The following RNF152 variants were observed in gnomAD, a reference collection of about 807,000 sequenced individuals.
RNF152 encodes E3 ubiquitin-protein ligase RNF152.
A neutral mutation model predicts 12.7 loss-of-function variants in RNF152; 11 were observed. The ratio of observed to expected loss-of-function variants is 0.86; its 90% CI spans 0.54 to 1.43. The LOEUF (loss-of-function observed/expected upper bound fraction) is 1.43, where lower values mean the gene tolerates loss of function less well. Ranked by LOEUF, RNF152 falls within the 40% of genes most tolerant of loss-of-function variation. RNF152 has a pLI of 0.00. For missense variants in RNF152, 255 were observed against 274.8 expected, an observed-to-expected ratio of 0.93 and a Z score of 0.51; for synonymous variants, 113 against 120.3, an observed-to-expected ratio of 0.94 and a Z score of 0.40.
chr18:61,839,625 G>A (rs929752431), intron 1 of RNF152, among the ~76,000 whole-genome samples: 1 of 152,282 alleles, frequency 6.6e-6, no homozygotes, highest in African/African-American at 2.4e-5. Flanking sequence ...GCTGGGCACG[G>A]TGGCTCACCC....
chr18:61,876,745 C>T (rs11877369), intron 1 of RNF152, among the ~76,000 whole-genome samples: 59,153 of 152,018 alleles, frequency 0.39, 11,436 homozygotes, highest in Middle Eastern at 0.43. Flanking sequence ...GAACCGTCTA[C>T]TCTACCCCGT....
At chr18:61,825,270 A>C (rs188943847) in intron 1 of RNF152, among the ~76,000 whole-genome samples, 1 of 152,322 alleles carries the variant, frequency 6.6e-6, no homozygotes, top group East Asian at 1.9e-4. Flanking sequence ...GAAAGAGAGA[A>C]GGGTAGACAG....
At chr18:61,876,364 C>A (rs1007813036) in intron 1 of RNF152, among the ~76,000 whole-genome samples, 1 of 152,146 alleles carries the variant, frequency 6.6e-6, no homozygotes, top group Non-Finnish European at 1.5e-5. Context: ...TGCTAATGAA[C>A]TACTTTCTGA....
At chr18:61,866,689 T>C (rs538836269) in intron 1 of RNF152, among the ~76,000 whole-genome samples, 2 of 152,320 alleles carry the variant, frequency 1.3e-5, no homozygotes, top group Non-Finnish European at 2.9e-5. Context: ...GCTCCTACAG[T>C]GACATGTTCA....
intron 1 of RNF152, among the ~76,000 whole-genome samples, chr18:61,878,747 G>C (rs1260128903): frequency 6.6e-6 from 1 of 152,150 alleles, no homozygotes; most frequent in Admixed American, 6.5e-5. Flanking sequence ...GAAATGGAAG[G>C]GCCTGGCAGT....
chr18:61,876,720 A>C (rs902632082), intron 1 of RNF152, among the ~76,000 whole-genome samples: 1 of 152,160 alleles, frequency 6.6e-6, no homozygotes, highest in Non-Finnish European at 1.5e-5. Flanking sequence ...CACCCATATA[A>C]TAGAGACATT....
At chr18:61,865,447 A>G (rs556737016) in intron 1 of RNF152, among the ~76,000 whole-genome samples, 3 of 152,298 alleles carry the variant, frequency 2.0e-5, no homozygotes, top group African/African-American at 7.2e-5. Context: ...TAAATATAAA[A>G]CTCTAAGCAG....
intron 1 of RNF152, among the ~76,000 whole-genome samples, chr18:61,840,978 A>C (rs8085961): frequency 0.51 from 78,217 of 152,030 alleles, 20,461 homozygotes; most frequent in Non-Finnish European, 0.56. Context: ...CACCTGTCCA[A>C]CTGGGTAACA....
intron 1 of RNF152, among the ~76,000 whole-genome samples, chr18:61,881,858 C>T (rs898967336): frequency 3.3e-5 from 5 of 152,196 alleles, no homozygotes; most frequent in African/African-American, 4.8e-5. Context: ...TCAGAGAAGA[C>T]ATTTTTCCTT....
chr18:61,821,898 A>T (rs574476239), intron 1 of RNF152, among the ~76,000 whole-genome samples: 91 of 152,358 alleles, frequency 6.0e-4, no homozygotes, highest in African/African-American at 2.2e-3. Context: ...TCCTGAAACC[A>T]TCGGTCCCTA....
intron 1 of RNF152, among the ~76,000 whole-genome samples, chr18:61,861,791 G>A (rs560883590): frequency 2.2e-4 from 34 of 152,148 alleles, no homozygotes; most frequent in Non-Finnish European, 2.4e-4. Flanking sequence ...GGGTGAGGAG[G>A]CAGGCTCTTT....
chr18:61,861,168 G>A (rs1256126597), intron 1 of RNF152, among the ~76,000 whole-genome samples: 1 of 152,072 alleles, frequency 6.6e-6, no homozygotes, highest in Admixed American at 6.5e-5. Context: ...CTACAGTAGT[G>A]TACAGAAATG....
intron 1 of RNF152, among the ~76,000 whole-genome samples, chr18:61,826,606 G>A (rs960900446): frequency 1.3e-5 from 2 of 151,966 alleles, no homozygotes; most frequent in African/African-American, 4.8e-5. Flanking sequence ...TCATTTGCAC[G>A]TCCATGATAC....
intron 1 of RNF152, among the ~76,000 whole-genome samples, chr18:61,841,227 A>G (rs1910441203): frequency 6.6e-6 from 1 of 152,232 alleles, no homozygotes; most frequent in Admixed American, 6.5e-5. Flanking sequence ...TCCCATTAAA[A>G]GTCACTACAA....
chr18:61,856,209 G>A (rs11152317), intron 1 of RNF152, among the ~76,000 whole-genome samples: 12,660 of 152,242 alleles, frequency 0.083, 922 homozygotes, highest in East Asian at 0.43. Flanking sequence ...TTGAGTTGGT[G>A]AGTAAAGCGA....
intron 1 of RNF152, chr18:61,890,605 C>T (rs2144777549): frequency 6.6e-6 from 1 of 152,346 alleles, no homozygotes; most frequent in Admixed American, 6.5e-5. Flanking sequence ...ACCTATCTTG[C>T]TGGTACGTCA....
intron 1 of RNF152, among the ~76,000 whole-genome samples, chr18:61,839,774 A>G (rs1424063228): frequency 6.6e-6 from 1 of 152,168 alleles, no homozygotes; most frequent in Admixed American, 6.5e-5. Flanking sequence ...GGGTGCCTGT[A>G]GTCCCAGCTA....
chr18:61,835,475 C>A (rs915287579), intron 1 of RNF152, among the ~76,000 whole-genome samples: 2 of 152,028 alleles, frequency 1.3e-5, no homozygotes, highest in African/African-American at 4.8e-5. Context: ...AAGGACAAAT[C>A]AATTAAGGGA....
intron 1 of RNF152, among the ~76,000 whole-genome samples, chr18:61,854,684 C>T (rs1022458455): frequency 6.6e-6 from 1 of 152,158 alleles, no homozygotes; most frequent in African/African-American, 2.4e-5. Context: ...GGTCATACTG[C>T]TATTGGTAAC....
Sources: allele counts gnomAD v4.1 joint callset (sites outside exome capture counted in the v4.1 genomes callset), GRCh38; gene constraint gnomAD v4.1.1; transcripts MANE v1.5; gene names NCBI Gene and HGNC (gene_info 2026-07-23, HGNC 2026-07-21).